The following CAPRIN1 variants were observed in gnomAD, a reference collection of about 807,000 sequenced individuals.
The protein encoded by CAPRIN1 is cell cycle associated protein 1.
CAPRIN1 carries 29 observed loss-of-function variants against 100.9 expected under a neutral mutation model. The observed-to-expected ratio is 0.29, with a 90% CI of 0.21 to 0.39. The LOEUF is 0.39. Among genes scored for constraint, CAPRIN1 ranks in the 10% least tolerant of loss-of-function variants. The pLI is 1.00. For missense variants in CAPRIN1, 795 were observed against 876.7 expected (o/e 0.91, Z 1.18); for synonymous variants, 338 against 307.5 (o/e 1.10, Z -1.04).
At chr11:34,075,485 C>A (rs1416921145) in intron 4 of CAPRIN1, among the ~76,000 whole-genome samples, 1 of 152,156 alleles carries the variant, frequency 6.6e-6, no homozygotes, top group Non-Finnish European at 1.5e-5. Flanking sequence ...GGGAAAAATA[C>A]ATTCATACTT....
intron 11 of CAPRIN1, among the ~76,000 whole-genome samples, chr11:34,088,753 A>G (rs913136561): frequency 2.0e-5 from 3 of 152,192 alleles, no homozygotes; most frequent in African/African-American, 7.2e-5. Flanking sequence ...GTACAGCTTT[A>G]AAAGTCTTTT....
chr11:34,081,984 G>C (rs1235016387), intron 7 of CAPRIN1, among the ~76,000 whole-genome samples: 1 of 151,148 alleles, frequency 6.6e-6, no homozygotes, highest in Non-Finnish European at 1.5e-5. Flanking sequence ...GCTAATTTTT[G>C]TATTTTTAGT....
intron 12 of CAPRIN1, 194 bp from the exon 13 acceptor site, chr11:34,089,985 T>C (rs1204404821): frequency 5.5e-6 from 2 of 362,664 alleles, no homozygotes; most frequent in Non-Finnish European, 1.0e-5. Flanking sequence ...AACGTCGAGC[T>C]TCAAAAATAT....
At position 34,100,887 on chromosome 11, in the gene CAPRIN1, G is replaced by A. The variant is rs148089990; in HGVS notation, c.*1520G>A. 3.3e-5 allele frequency: 5 copies of A among 152,676 alleles called. No homozygotes were observed. The highest frequency in any genetic ancestry group is 6.5e-5 in the Admixed American group (1 of 15,300). The allele number at this position is 152,676 out of a possible 1,614,324, so 9.5% of individuals were successfully genotyped here. On this transcript the variant is annotated 3_prime_UTR_variant, in exon 19 of 19. Coordinates refer to ENST00000341394, the MANE Select transcript of CAPRIN1 (RefSeq NM_005898.5). The stretch of plus-strand genomic sequence containing the variant: ...AGAATTAATCCCACCTTTAAGCAAA[G>A]GCTACTAAGTTAATGGTATTTTCTG...
intron 12 of CAPRIN1, 58 bp downstream of exon 12, chr11:34,089,514 C>G (rs1182186304): frequency 3.0e-6 from 3 of 1,003,654 alleles, no homozygotes; most frequent in Non-Finnish European, 4.7e-6. Context: ...TACCTATAAT[C>G]CTAGTACTTT....
chr11:34,071,893 C>T lies in CAPRIN1; in HGVS notation c.280-8C>T. 4 of 1,610,342 alleles carry T rather than the reference C, an allele frequency of 2.5e-6. No individual in the cohort carries two copies. The highest frequency in any genetic ancestry group is 2.5e-6 in the Non-Finnish European group (3 of 1,177,596). The stretch of plus-strand genomic sequence containing the variant: ...TTCCAGTAAAGTTTGGGTTCTTTGT[C>T]ATTTTAGGATGCCGTTTCTAAGTAC... On this transcript the variant is annotated splice_region_variant and splice_polypyrimidine_tract_variant and intron_variant, in intron 3 of 18. Transcript: ENST00000341394.
In CAPRIN1 at chr11:34,076,416, T is replaced by C; in HGVS notation, c.547T>C (p.Leu183=). ...AGTGCCAATATTGTCCGAAGAGGAG[T>C]TGTCATTGTTGGATGAATTCTATAA... ...NGVPILSEEE[L]SLLDEFYKLV... The change falls in exon 5 of 19, where the codon TTG becomes CTG. Residue 183 remains leucine, a synonymous_variant. Coordinates refer to ENST00000341394, the MANE Select transcript of CAPRIN1 (RefSeq NM_005898.5). 3.1e-6 allele frequency: 5 copies of C among 1,614,010 alleles called. No individual in the cohort carries two copies. Among genetic ancestry groups the C allele is most frequent in the Non-Finnish European group, 4.2e-6 (5 of 1,180,018 alleles).
rs1851382700 is a variant in CAPRIN1, at chr11:34,097,098, G to A, written c.1901-98G>A. ...GGAGATTAATTTGATTAACTAGCCT[G>A]GCTTATAATTTCTAGTTCTTCCCGT... On this transcript the variant is annotated intron_variant, in intron 16 of 18. Coordinates refer to ENST00000341394, the MANE Select transcript of CAPRIN1 (RefSeq NM_005898.5). The A allele has an allele frequency of 4.9e-5, 40 of 819,918 alleles. 1 individual carries two copies. In the South Asian group the frequency reaches 5.8e-4, roughly 12 times the overall value. 50.8% of individuals were successfully genotyped at this position (819,918 alleles called of 1,614,324 possible).
intron 2 of CAPRIN1, among the ~76,000 whole-genome samples, chr11:34,071,507 T>C (rs532078111): frequency 6.6e-6 from 1 of 152,206 alleles, no homozygotes; most frequent in South Asian, 2.1e-4. Context: ...AGAGGTTGCA[T>C]TGAGACAAGA....
rs1286513427 is a variant in CAPRIN1 at position 34,102,292 on chromosome 11, ATAAC to A, written c.*2928_*2931del. 6.6e-6 allele frequency among the ~76,000 whole-genome samples: 1 copy of A among 152,192 alleles called. No individual in the cohort carries two copies. Among genetic ancestry groups the A allele is most frequent in the Non-Finnish European group, 1.5e-5 (1 of 68,022 alleles). ...ATTTGTTCATTATATTTTCCGTCAT[ATAAC>A]TAGAGGAAGTGGAATGCAGATAAGT... On this transcript the variant is annotated 3_prime_UTR_variant, in exon 19 of 19. Transcript: ENST00000341394.
At chr11:34,077,516 T>A (rs1457085895) in intron 6 of CAPRIN1, among the ~76,000 whole-genome samples, 1 of 152,200 alleles carries the variant, frequency 6.6e-6, no homozygotes, top group Non-Finnish European at 1.5e-5. Flanking sequence ...CTGATTTTTT[T>A]AAAAAGGGAC....
Position 34,083,012 on chromosome 11 carries a change from G to GTAGA in CAPRIN1, c.939_942dup (p.Glu315ArgfsTer2). ...GTTCACCAGTGGTGAAAAGGAGCAG[G>GTAGA]TAGATGAGTGGACAGTTGAAACGGT... On this transcript the variant is annotated frameshift_variant, in exon 9 of 19. Coordinates refer to ENST00000341394, the MANE Select transcript of CAPRIN1 (RefSeq NM_005898.5). LOFTEE classifies it high-confidence loss of function. 1 of 1,613,880 alleles carries GTAGA rather than the reference G, an allele frequency of 6.2e-7. No homozygotes were observed. The highest frequency in any genetic ancestry group is 8.5e-7 in the Non-Finnish European group (1 of 1,179,774).
intron 2 of CAPRIN1, chr11:34,052,899 C>G: frequency 1.5e-6 from 2 of 1,336,116 alleles, no homozygotes; most frequent in Non-Finnish European, 1.9e-6. Context: ...CGCTGTGGGT[C>G]CGGCTTTTTG....
chr11:34,054,915 G>C (rs1850417274), intron 2 of CAPRIN1, among the ~76,000 whole-genome samples: 1 of 152,002 alleles, frequency 6.6e-6, no homozygotes, highest in African/African-American at 2.4e-5. Flanking sequence ...AAAGTGTAGA[G>C]ACATTAATGA....
intron 4 of CAPRIN1, among the ~76,000 whole-genome samples, chr11:34,074,016 C>T (rs184635948): frequency 6.6e-6 from 1 of 152,100 alleles, no homozygotes; most frequent in African/African-American, 2.4e-5. Flanking sequence ...CCTGCAAGCT[C>T]TTTTTATAGT....
chr11:34,076,294 A>G lies in CAPRIN1; in HGVS notation c.425A>G (p.Glu142Gly). ...GAGCAGCTTATGAGAGAAGAAGCTG[A>G]ACAGAAACGTTTAAAAACTGTACTT... ...RREQLMREEAEQKRLKTVLEL... is the reference protein window; with the variant it reads ...RREQLMREEAGQKRLKTVLEL... The change falls in exon 5 of 19, where the codon GAA (glutamate) becomes GGA (glycine). Residue 142 changes from glutamate to glycine, a missense_variant. Around this residue, in one of 3 missense-constraint regions of CAPRIN1, gnomAD observed 648 missense variants for 697.9 expected, o/e 0.93. Transcript: ENST00000341394. 6.2e-7 allele frequency: 1 copy of G among 1,614,220 alleles called. No homozygotes were observed. The highest frequency in any genetic ancestry group is 8.5e-7 in the Non-Finnish European group (1 of 1,180,022).
intron 18 of CAPRIN1, chr11:34,098,292 T>C (rs1851401013): frequency 3.0e-6 from 3 of 984,398 alleles, no homozygotes; most frequent in Non-Finnish European, 3.6e-6. Flanking sequence ...GATATAAATA[T>C]CAAGTTATTT....
chr11:34,086,164 G>C lies in CAPRIN1; in HGVS notation c.1067G>C (p.Arg356Thr). ...GCTCAGGCAGATCCCCTTGTGAGAAGACAGCGAGTACAAGACCTTATGGCA... is the reference window on the plus strand; with the variant it reads ...GCTCAGGCAGATCCCCTTGTGAGAACACAGCGAGTACAAGACCTTATGGCA... Reference protein sequence around the residue: ...PVAQADPLVRRQRVQDLMAQM... With the variant: ...PVAQADPLVRTQRVQDLMAQM... The change falls in exon 10 of 19, where the codon AGA becomes ACA. Residue 356 changes from arginine (R) to threonine (T), a missense_variant. Around this residue, in one of 3 missense-constraint regions of CAPRIN1, gnomAD observed 648 missense variants for 697.9 expected, o/e 0.93. Transcript: ENST00000341394. 6.2e-7 allele frequency: 1 copy of C among 1,614,150 alleles called. No homozygotes were observed. The highest frequency in any genetic ancestry group is 8.5e-7 in the Non-Finnish European group (1 of 1,180,002).
rs1851426101 is a variant in CAPRIN1 at position 34,099,828 on chromosome 11, A to G, written c.*461A>G. ...GAGTGGAGTGTGGTTTGGCAGAACAACTGCATTTCACAGCTTTTCCAGTTA... is the reference window on the plus strand; with the variant it reads ...GAGTGGAGTGTGGTTTGGCAGAACAGCTGCATTTCACAGCTTTTCCAGTTA... On this transcript the variant is annotated 3_prime_UTR_variant, in exon 19 of 19. Coordinates refer to ENST00000341394, the MANE Select transcript of CAPRIN1 (RefSeq NM_005898.5). The G allele has an allele frequency of 6.4e-6, 1 of 157,014 alleles. No individual in the cohort carries two copies. The highest frequency in any genetic ancestry group is 6.2e-5 in the Admixed American group (1 of 16,054). The allele number at this position is 157,014 out of a possible 1,614,324, so 9.7% of individuals were successfully genotyped here.
Sources: gnomAD v4.1 joint callset for allele counts (sites outside exome capture counted in the v4.1 genomes callset) on GRCh38, gnomAD v4.1.1 for gene constraint, gnomAD v4.1.1 regional missense constraint, MANE v1.5 for transcripts, NCBI Gene and HGNC (gene_info 2026-07-23, HGNC 2026-07-21) for gene names.